The following PDPR variants were observed in gnomAD, a reference collection of about 807,000 sequenced individuals.
PDPR encodes the protein pyruvate dehydrogenase phosphatase regulatory subunit.
PDPR carries 50 observed loss-of-function variants against 102.2 expected under a neutral mutation model. The ratio of observed to expected loss-of-function variants is 0.49; its 90% CI spans 0.39 to 0.62. The LOEUF is 0.62. Ranked by LOEUF, PDPR falls within the 20% of genes least tolerant of loss-of-function variation. The probability of loss-of-function intolerance (pLI) is 0.00; values close to 1 mark genes in which losing one functional copy is unlikely to be tolerated. For missense variants in PDPR, 625 were observed against 1,098.2 expected, an observed-to-expected ratio of 0.57 and a Z score of 6.09; for synonymous variants, 259 against 406.0, an observed-to-expected ratio of 0.64 and a Z score of 4.35.
At chr16:70,115,280 C>A (rs1422097555) in intron 2 of PDPR, among the ~76,000 whole-genome samples, 1 of 152,064 alleles carries the variant, frequency 6.6e-6, no homozygotes, top group Non-Finnish European at 1.5e-5. Context: ...TGCGCCACCA[C>A]GCCCGGCTAA....
chr16:70,156,417 T>C, intron 18 of PDPR, 58 bp from the exon 19 acceptor site: 2 of 1,589,700 alleles, frequency 1.3e-6, no homozygotes, highest in Non-Finnish European at 1.7e-6. Flanking sequence ...ACGGTGCTGC[T>C]CTCTGTGCCG....
intron 11 of PDPR, among the ~76,000 whole-genome samples, chr16:70,139,726 G>A (rs749400504): frequency 3.9e-5 from 6 of 152,214 alleles, no homozygotes; most frequent in South Asian, 2.1e-4. Flanking sequence ...ACCAAACCAC[G>A]TGGGTTCAAG....
At position 70,153,586 on chromosome 16, in the gene PDPR, C is replaced by T. The variant is rs1232717498; in HGVS notation, c.2235+13C>T. 1 of 1,585,890 alleles carries T rather than the reference C, an allele frequency of 6.3e-7. No homozygotes were observed. The stretch of plus-strand genomic sequence containing the variant: ...GAAATTAGAGAAGGTACTGTGTTTA[C>T]CCAGACTCCACTTTCACTCAGCATC... On this transcript the variant is annotated intron_variant, in intron 18 of 18. Coordinates refer to ENST00000288050, the MANE Select transcript of PDPR (RefSeq NM_017990.5).
intron 3 of PDPR, among the ~76,000 whole-genome samples, chr16:70,126,630 T>C (rs1181424522): frequency 2.0e-5 from 3 of 152,288 alleles, no homozygotes; most frequent in Non-Finnish European, 2.9e-5. Context: ...CCCAAAGTGC[T>C]GGGATTACAG....
At chr16:70,154,984 A>C (rs1966963352) in intron 18 of PDPR, among the ~76,000 whole-genome samples, 1 of 152,138 alleles carries the variant, frequency 6.6e-6, no homozygotes, top group African/African-American at 2.4e-5. Context: ...CTGAGTTCAC[A>C]AGTTCGAGAC....
chr16:70,129,495 C>T (rs1306627214), intron 6 of PDPR, among the ~76,000 whole-genome samples: 1 of 152,272 alleles, frequency 6.6e-6, no homozygotes, highest in East Asian at 1.9e-4. Context: ...CAGGCGTGCC[C>T]CACTACACCC....
At chr16:70,131,477 A>C in intron 8 of PDPR, 58 bp downstream of exon 8, 2 of 1,456,880 alleles carry the variant, frequency 1.4e-6, no homozygotes, top group Non-Finnish European at 1.9e-6. Context: ...CTGTCCTCTG[A>C]AAAGGAAAAC....
At chr16:70,128,233 TTTC>T (rs1242688572) in intron 4 of PDPR, among the ~76,000 whole-genome samples, 2 of 151,918 alleles carry the variant, frequency 1.3e-5, no homozygotes, top group African/African-American at 4.8e-5. Context: ...CTTTTTTTTT[TTTC>T]TTTTTTTTAA....
chr16:70,155,942 C>T (rs2152122231), intron 18 of PDPR, among the ~76,000 whole-genome samples: 1 of 152,102 alleles, frequency 6.6e-6, no homozygotes, highest in East Asian at 1.9e-4. Context: ...ATTATAGGCA[C>T]ACTCCACCAG....
chr16:70,160,606 C>T lies in PDPR; in HGVS notation c.*3727C>T, dbSNP rs71399997. On this transcript the variant is annotated 3_prime_UTR_variant, in exon 19 of 19. Transcript: ENST00000288050. ...TCCTGTTTGGTTCTCACTGGGAGGC[C>T]CACTGGCCTTGGATCATCTCCTCAT... 0.017 allele frequency: 2,650 copies of T among 151,740 alleles called. 5 individuals carry two copies. Among genetic ancestry groups the T allele is most frequent in the Middle Eastern group, 0.03 (9 of 298 alleles). The allele number at this position is 151,740 out of a possible 1,614,324, so 9.4% of individuals were successfully genotyped here.
chr16:70,155,893 C>G (rs1967120056), intron 18 of PDPR, among the ~76,000 whole-genome samples: 1 of 151,840 alleles, frequency 6.6e-6, no homozygotes, highest in Non-Finnish European at 1.5e-5. Flanking sequence ...GCCTCTGCCA[C>G]CCAGGTTCAA....
chr16:70,129,780 T>A (rs1308792727), intron 6 of PDPR, among the ~76,000 whole-genome samples: 3 of 152,270 alleles, frequency 2.0e-5, no homozygotes, highest in Admixed American at 6.5e-5. Flanking sequence ...AGGGGAAGAC[T>A]TAACTAGCGT....
rs763382617 is a variant in PDPR, at chr16:70,148,564, ACCCTTCCCTT to A, written c.2052+23_2052+32del. 1.9e-5 allele frequency: 31 copies of A among 1,601,988 alleles called. No individual in the cohort carries two copies. Among genetic ancestry groups the A allele is most frequent in the East Asian group, 6.7e-5 (3 of 44,562 alleles). ...TACATCCCCATAGAGGTGAGAGGGC[ACCCTTCCCTT>A]CCCTTCCCTTCACTTCCCTTCCCTT... On this transcript the variant is annotated intron_variant, in intron 17 of 18. Transcript: ENST00000288050.
chr16:70,153,484 GAGA>G lies in PDPR; in HGVS notation c.2149_2151del (p.Lys717del). ...TTACGCTCTTCGCAGTCTCCGAATT[GAGA>G]AGTTTTTTGCCTTCTGGGGTCAGGA... On this transcript the variant is annotated inframe_deletion, in exon 18 of 19. Transcript: ENST00000288050. 1.2e-6 allele frequency: 2 copies of G among 1,613,458 alleles called. No homozygotes were observed. The highest frequency in any genetic ancestry group is 1.7e-5 in the Admixed American group (1 of 59,876).
At chr16:70,150,107 T>C (rs1001876671) in intron 17 of PDPR, among the ~76,000 whole-genome samples, 4 of 68,010 alleles carry the variant, frequency 5.9e-5, no homozygotes, top group African/African-American at 2.1e-4. Flanking sequence ...TTTTTTTTTT[T>C]CTTTTTTTTT....
intron 7 of PDPR, among the ~76,000 whole-genome samples, 165 bp from the exon 8 acceptor site, chr16:70,131,137 A>G (rs1381235832): frequency 1.3e-5 from 2 of 152,150 alleles, no homozygotes; most frequent in South Asian, 2.1e-4. Flanking sequence ...AAAATGTAGT[A>G]TTGCTCCCCA....
intron 15 of PDPR, chr16:70,145,668 C>T (rs1188212659): frequency 2.2e-6 from 1 of 461,774 alleles, no homozygotes; most frequent in South Asian, 1.6e-5. Context: ...ATGTTCTAGC[C>T]TGTCTTAGGA....
chr16:70,151,349 G>A (rs184006431), intron 17 of PDPR, among the ~76,000 whole-genome samples: 7 of 152,388 alleles, frequency 4.6e-5, no homozygotes, highest in East Asian at 3.9e-4. Flanking sequence ...GATTACCGGC[G>A]TGAGCCACTG....
intron 2 of PDPR, among the ~76,000 whole-genome samples, chr16:70,115,554 G>A (rs1962553514): frequency 6.6e-6 from 1 of 152,216 alleles, no homozygotes; most frequent in African/African-American, 2.4e-5. Context: ...AAGTGTCCCA[G>A]GTGGTTCTTT....
Sources: allele counts gnomAD v4.1 joint callset (sites outside exome capture counted in the v4.1 genomes callset), GRCh38; gene constraint gnomAD v4.1.1; transcripts MANE v1.5; gene names NCBI Gene and HGNC (gene_info 2026-07-23, HGNC 2026-07-21).